The following GRID2 variants were observed in gnomAD, a reference collection of about 807,000 sequenced individuals.
GRID2 encodes the protein glutamate receptor ionotropic, delta-2.
A neutral mutation model predicts 114.8 loss-of-function variants in GRID2; 33 were observed. That is an observed-to-expected ratio of 0.29 (90% CI 0.22 to 0.38). The LOEUF (loss-of-function observed/expected upper bound fraction) is 0.38, where lower values mean the gene tolerates loss of function less well. GRID2 is among the 10% of genes least tolerant of loss of function. The pLI, the probability that GRID2 is intolerant of heterozygous loss-of-function variation, is 1.00. For synonymous variants in GRID2, 505 were observed against 449.9 expected (o/e 1.12, Z -1.55); for missense variants, 1,184 against 1,257.7 (o/e 0.94, Z 0.89).
chr4:92,709,973 T>G (rs1290718711), intron 2 of GRID2, among the ~76,000 whole-genome samples: 1 of 152,134 alleles, frequency 6.6e-6, no homozygotes, highest in Admixed American at 6.6e-5. Context: ...AACTGCAGTT[T>G]GGAAAAATAC....
chr4:92,836,685 A>G (rs146801738), intron 2 of GRID2, among the ~76,000 whole-genome samples: 3 of 152,166 alleles, frequency 2.0e-5, no homozygotes, highest in Non-Finnish European at 2.9e-5. Flanking sequence ...ATGTAGGCTG[A>G]GTAGAAAGAC....
At chr4:93,396,228 G>A (rs534509406) in intron 9 of GRID2, among the ~76,000 whole-genome samples, 1 of 152,076 alleles carries the variant, frequency 6.6e-6, no homozygotes, top group South Asian at 2.1e-4. Flanking sequence ...CAGGCTCAGT[G>A]CTGATTACTG....
chr4:92,468,214 G>T (rs1042033147), intron 1 of GRID2, among the ~76,000 whole-genome samples: 3 of 151,878 alleles, frequency 2.0e-5, no homozygotes, highest in Admixed American at 6.6e-5. Context: ...CATGTTAAAG[G>T]CTTTAGATCA....
chr4:92,473,417 TC>T (rs1722139907), intron 1 of GRID2, among the ~76,000 whole-genome samples: 1 of 152,138 alleles, frequency 6.6e-6, no homozygotes, highest in Non-Finnish European at 1.5e-5. Context: ...ATTTATGTTT[TC>T]TGACTTAGTG....
intron 1 of GRID2, among the ~76,000 whole-genome samples, chr4:92,557,228 C>G (rs1726894271): frequency 6.6e-6 from 1 of 151,766 alleles, no homozygotes; most frequent in African/African-American, 2.4e-5. Context: ...TCATTTGTTT[C>G]CTACACAAGT....
At chr4:92,655,965 C>A (rs957730712) in intron 2 of GRID2, among the ~76,000 whole-genome samples, 21 of 151,816 alleles carry the variant, frequency 1.4e-4, no homozygotes, top group African/African-American at 4.8e-4. Context: ...GAAAGGCTTT[C>A]AACTTTTCCC....
chr4:93,744,313 A>G (rs1473750567), intron 14 of GRID2, among the ~76,000 whole-genome samples: 2 of 152,208 alleles, frequency 1.3e-5, no homozygotes, highest in African/African-American at 4.8e-5. Context: ...CCATAGACAG[A>G]CAATCTGGGC....
chr4:93,681,352 C>T (rs1725513114), intron 14 of GRID2, among the ~76,000 whole-genome samples: 1 of 151,522 alleles, frequency 6.6e-6, no homozygotes, highest in African/African-American at 2.4e-5. Flanking sequence ...GACCATACTA[C>T]CCAAAGTAAT....
At chr4:93,234,665 CTT>C (rs1277285335) in intron 7 of GRID2, among the ~76,000 whole-genome samples, 5 of 122,726 alleles carry the variant, frequency 4.1e-5, no homozygotes, top group Non-Finnish European at 8.5e-5. Flanking sequence ...TTTTTTGCAT[CTT>C]GTATCTTAGT....
At chr4:93,677,500 C>A (rs1416857247) in intron 14 of GRID2, among the ~76,000 whole-genome samples, 1 of 152,142 alleles carries the variant, frequency 6.6e-6, no homozygotes, top group African/African-American at 2.4e-5. Flanking sequence ...TGACCCCTGA[C>A]CCCCGAGCAG....
chr4:92,986,560 C>A (rs1053059366), intron 2 of GRID2, among the ~76,000 whole-genome samples: 1 of 152,114 alleles, frequency 6.6e-6, no homozygotes, highest in Non-Finnish European at 1.5e-5. Flanking sequence ...TAGCACACCA[C>A]TGGCGAATAG....
At chr4:93,114,029 G>T (rs1469388024) in intron 4 of GRID2, among the ~76,000 whole-genome samples, 2 of 152,108 alleles carry the variant, frequency 1.3e-5, no homozygotes, top group African/African-American at 4.8e-5. Flanking sequence ...AATCCCATGA[G>T]ACTGATATCA....
At chr4:93,253,062 A>T (rs1033715387) in intron 8 of GRID2, among the ~76,000 whole-genome samples, 1 of 150,694 alleles carries the variant, frequency 6.6e-6, no homozygotes. Context: ...ATCCTGGCTA[A>T]CACGGTGAAA....
intron 8 of GRID2, among the ~76,000 whole-genome samples, chr4:93,254,453 C>T (rs1304782865): frequency 1.3e-5 from 2 of 152,082 alleles, no homozygotes; most frequent in East Asian, 1.9e-4. Context: ...CCACTGAAAA[C>T]TTTTCCAAGC....
chr4:93,056,261 T>C (rs774593534), intron 2 of GRID2, among the ~76,000 whole-genome samples: 3 of 151,958 alleles, frequency 2.0e-5, no homozygotes, highest in Non-Finnish European at 4.4e-5. Context: ...ACATTGATTG[T>C]TTTCTATCAG....
At chr4:92,650,231 C>T (rs140065639) in intron 2 of GRID2, among the ~76,000 whole-genome samples, 2 of 152,134 alleles carry the variant, frequency 1.3e-5, no homozygotes, top group African/African-American at 2.4e-5. Flanking sequence ...GCAAGTCATT[C>T]GGTTATAGCT....
At chr4:92,706,061 T>C (rs1560543306) in intron 2 of GRID2, among the ~76,000 whole-genome samples, 1 of 152,170 alleles carries the variant, frequency 6.6e-6, no homozygotes, top group Non-Finnish European at 1.5e-5. Context: ...AAGGCGCAGT[T>C]TTAAAAACAT....
At chr4:93,286,497 T>C (rs555267278) in intron 8 of GRID2, among the ~76,000 whole-genome samples, 3 of 152,132 alleles carry the variant, frequency 2.0e-5, no homozygotes, top group Non-Finnish European at 4.4e-5. Flanking sequence ...CTCACCTCTT[T>C]GTGCTTTGCC....
chr4:93,613,821 G>A (rs1054119218), intron 13 of GRID2, among the ~76,000 whole-genome samples: 4 of 151,842 alleles, frequency 2.6e-5, no homozygotes, highest in African/African-American at 9.7e-5. Context: ...AGGCCTCCTT[G>A]AGCTGTGGTG....
Sources: gnomAD v4.1 joint callset for allele counts (sites outside exome capture counted in the v4.1 genomes callset) on GRCh38, gnomAD v4.1.1 for gene constraint, MANE v1.5 for transcripts, NCBI Gene and HGNC (gene_info 2026-07-23, HGNC 2026-07-21) for gene names.